Variants in MAP2 observed in about 807,000 individuals in gnomAD.
The protein encoded by MAP2 is microtubule-associated protein 2.
In MAP2, 14 loss-of-function variants were observed where a neutral mutation model predicts 137.6. The ratio of observed to expected loss-of-function variants is 0.10; its 90% confidence interval spans 0.07 to 0.16. The LOEUF (loss-of-function observed/expected upper bound fraction) is 0.16. Ranked by LOEUF, MAP2 falls within the 10% of genes least tolerant of loss-of-function variation. MAP2 has a pLI of 1.00. For synonymous variants in MAP2, 786 were observed against 782.3 expected, an observed-to-expected ratio of 1.00 and a Z score of -0.08; for missense variants, 2,088 against 2,191.5, an observed-to-expected ratio of 0.95 and a Z score of 0.94.
At chr2:209,436,118 A>G (rs1177469370) in intron 1 of MAP2, among the ~76,000 whole-genome samples, 1 of 149,262 alleles carries the variant, frequency 6.7e-6, no homozygotes, top group Admixed American at 6.9e-5. Flanking sequence ...CTTAATGGAA[A>G]TGGACTTCAT....
chr2:209,610,580 CTTG>C (rs1410966643), intron 3 of MAP2, among the ~76,000 whole-genome samples: 2 of 151,838 alleles, frequency 1.3e-5, no homozygotes, highest in Non-Finnish European at 2.9e-5. Flanking sequence ...TACCAAATAA[CTTG>C]TTATCAAAAG....
intron 5 of MAP2, among the ~76,000 whole-genome samples, chr2:209,657,593 C>T (rs779484764): frequency 3.3e-5 from 5 of 151,764 alleles, no homozygotes; most frequent in Non-Finnish European, 7.4e-5. Context: ...TGAGAAGTGT[C>T]TATTCATGTC....
At chr2:209,553,074 C>T (rs2069585919) in intron 2 of MAP2, among the ~76,000 whole-genome samples, 1 of 151,292 alleles carries the variant, frequency 6.6e-6, no homozygotes, top group African/African-American at 2.4e-5. Context: ...TGCAGTGGCA[C>T]GATCTCGGCT....
chr2:209,652,127 G>A (rs2094844529), intron 4 of MAP2, among the ~76,000 whole-genome samples: 1 of 152,118 alleles, frequency 6.6e-6, no homozygotes, highest in Non-Finnish European at 1.5e-5. Context: ...ACTGAGTGGT[G>A]AATCACCTCT....
intron 1 of MAP2, among the ~76,000 whole-genome samples, chr2:209,456,211 T>G (rs1200101750): frequency 6.6e-6 from 1 of 152,164 alleles, no homozygotes; most frequent in Non-Finnish European, 1.5e-5. Context: ...GGAAAGGATT[T>G]ATAAGATCTT....
chr2:209,540,630 CAAAAAAAAA>C (rs749183996), intron 2 of MAP2, among the ~76,000 whole-genome samples: 1,046 of 27,550 alleles, frequency 0.038, 7 homozygotes, highest in African/African-American at 0.13. Flanking sequence ...GACTCCGTCT[CAAAAAAAAA>C]AAAAAAAAAA....
At chr2:209,583,134 C>CATCT (rs1263097566) in intron 3 of MAP2, among the ~76,000 whole-genome samples, 10 of 95,370 alleles carry the variant, frequency 1.0e-4, no homozygotes, top group African/African-American at 4.6e-4. Context: ...TCTATCTATC[C>CATCT]ATCTGTCTGT....
intron 13 of MAP2, among the ~76,000 whole-genome samples, chr2:209,713,708 GAAAC>G (rs2066362388): frequency 6.6e-6 from 1 of 152,174 alleles, no homozygotes; most frequent in Admixed American, 6.5e-5. Flanking sequence ...CAAAGGTAGA[GAAAC>G]AAGCAATTTC....
chr2:209,564,792 C>T (rs548765956), intron 2 of MAP2, among the ~76,000 whole-genome samples: 9 of 152,186 alleles, frequency 5.9e-5, no homozygotes, highest in South Asian at 2.1e-4. Flanking sequence ...TCATGCTTTA[C>T]GTTATTTTAA....
intron 13 of MAP2, among the ~76,000 whole-genome samples, chr2:209,725,335 C>A (rs745728207): frequency 2.0e-5 from 3 of 152,176 alleles, no homozygotes; most frequent in African/African-American, 4.8e-5. Context: ...ATGTAAAAAT[C>A]ACTTTATAAA....
At chr2:209,663,377 G>A (rs72999556) in intron 5 of MAP2, among the ~76,000 whole-genome samples, 256 of 152,198 alleles carry the variant, frequency 1.7e-3, no homozygotes, top group Non-Finnish European at 3.1e-3. Flanking sequence ...TGGGGGAAAA[G>A]GACACTAAAC....
chr2:209,612,741 G>A (rs1343980807), intron 3 of MAP2, among the ~76,000 whole-genome samples: 2 of 152,188 alleles, frequency 1.3e-5, no homozygotes, highest in Non-Finnish European at 2.9e-5. Context: ...TTTGGGAAAT[G>A]AATGGCAAAT....
rs1199370096 is a variant in MAP2, at chr2:209,710,080, G to C, written c.4899G>C (p.Lys1633Asn). 1 of 1,613,914 alleles carries C rather than the reference G, an allele frequency of 6.2e-7. No homozygotes were observed. Among genetic ancestry groups the C allele is most frequent in the South Asian group, 1.1e-5 (1 of 91,080 alleles). ...CCCCTCACACACCAGGAACCCCCAA[G>C]TCTGCCATCTTGGTGCCGAGTGAGA... ...PRTPHTPGTP[K>N]SAILVPSEKK... Residue 1633 changes from lysine to asparagine, a missense_variant, in exon 13 of 16, where the codon AAG becomes AAC. By Grantham distance (94) the Lys-to-Asn change is moderately conservative. Around this residue, in one of 6 missense-constraint regions of MAP2, gnomAD observed 591 missense variants for 642.6 expected, o/e 0.92. Coordinates refer to ENST00000682079, the MANE Select transcript of MAP2 (RefSeq NM_001375505.1).
At chr2:209,718,429 A>G (rs2068675211) in intron 13 of MAP2, among the ~76,000 whole-genome samples, 2 of 152,166 alleles carry the variant, frequency 1.3e-5, no homozygotes, top group South Asian at 4.1e-4. Flanking sequence ...CAAATTTGAA[A>G]AAGTTCATTA....
intron 13 of MAP2, among the ~76,000 whole-genome samples, chr2:209,718,402 CA>C (rs2068665686): frequency 6.6e-6 from 1 of 151,960 alleles, no homozygotes; most frequent in South Asian, 2.1e-4. Flanking sequence ...AATTTAATGT[CA>C]AAAAATTATA....
intron 2 of MAP2, among the ~76,000 whole-genome samples, chr2:209,510,799 G>T (rs1423328132): frequency 6.6e-6 from 1 of 152,094 alleles, no homozygotes; most frequent in South Asian, 2.1e-4. Context: ...GCCACTCTCA[G>T]CCTGGGAAGG....
intron 2 of MAP2, among the ~76,000 whole-genome samples, chr2:209,575,889 A>T (rs550714193): frequency 6.6e-6 from 1 of 152,298 alleles, no homozygotes; most frequent in East Asian, 1.9e-4. Flanking sequence ...GGGAATGAAA[A>T]GCCATGGAAA....
intron 3 of MAP2, among the ~76,000 whole-genome samples, chr2:209,623,606 T>G (rs1419855758): frequency 3.9e-5 from 6 of 152,194 alleles, no homozygotes; most frequent in Non-Finnish European, 8.8e-5. Context: ...CCATTCTACT[T>G]TAGTTCTAAA....
At chr2:209,608,418 G>A (rs561793230) in intron 3 of MAP2, among the ~76,000 whole-genome samples, 1 of 152,152 alleles carries the variant, frequency 6.6e-6, no homozygotes, top group East Asian at 1.9e-4. Context: ...CTCCTGAGTA[G>A]CTGGGCTGCT....
Sources: allele counts gnomAD v4.1 joint callset (sites outside exome capture counted in the v4.1 genomes callset), GRCh38; gene constraint gnomAD v4.1.1; regional missense constraint gnomAD v4.1.1; transcripts MANE v1.5; gene names NCBI Gene and HGNC (gene_info 2026-07-23, HGNC 2026-07-21).